SPAG16: variants seen among roughly 807,000 people sequenced by gnomAD.
SPAG16 encodes the protein sperm-associated antigen 16 protein.
Under a neutral mutation model 80.4 loss-of-function variants are expected in SPAG16, and 86 were observed. That is an observed-to-expected ratio of 1.07 (90% CI 0.90 to 1.28). The LOEUF (loss-of-function observed/expected upper bound fraction) is 1.28. SPAG16 is among the 50% of genes most tolerant of loss of function. The probability of loss-of-function intolerance (pLI) is 0.00; values close to 1 mark genes in which losing one functional copy is unlikely to be tolerated. For synonymous variants in SPAG16, 294 were observed against 265.9 expected (o/e 1.11, Z -1.03); for missense variants, 870 against 765.3 (o/e 1.14, Z -1.61).
intron 10 of SPAG16, among the ~76,000 whole-genome samples, chr2:213,642,820 C>CAAAAAAAAAAAAA (rs766759239): frequency 0.054 from 61 of 1,130 alleles, 19 homozygotes; most frequent in African/African-American, 0.1. Flanking sequence ...GACTCTGTCT[C>CAAAAAAAAAAAAA]AAAAAAAAAA....
At chr2:213,921,352 T>C (rs754277689) in intron 11 of SPAG16, among the ~76,000 whole-genome samples, 3 of 152,068 alleles carry the variant, frequency 2.0e-5, no homozygotes, top group Non-Finnish European at 2.9e-5. Flanking sequence ...TTTGTGTTTG[T>C]TGTTGTTGTT....
At chr2:213,701,393 C>A (rs549928356) in intron 10 of SPAG16, among the ~76,000 whole-genome samples, 2 of 152,160 alleles carry the variant, frequency 1.3e-5, no homozygotes, top group South Asian at 4.2e-4. Flanking sequence ...ACGAGAGGTG[C>A]CAACGTGCTA....
At chr2:213,573,361 A>G (rs547996443) in intron 10 of SPAG16, among the ~76,000 whole-genome samples, 1 of 152,230 alleles carries the variant, frequency 6.6e-6, no homozygotes, top group East Asian at 1.9e-4. Flanking sequence ...TCTCTGTGAT[A>G]ATTTTTGACA....
chr2:214,201,679 A>G (rs959282079), intron 15 of SPAG16, among the ~76,000 whole-genome samples: 8 of 152,344 alleles, frequency 5.3e-5, no homozygotes, highest in African/African-American at 1.9e-4. Flanking sequence ...GGGATAGACT[A>G]CATTTTATTG....
chr2:214,253,711 A>G (rs2216545), intron 15 of SPAG16, among the ~76,000 whole-genome samples: 142,846 of 152,100 alleles, frequency 0.94, 67,545 homozygotes, highest in Non-Finnish European at 1. Flanking sequence ...CTGTACACTC[A>G]TAGTATAGTT....
At position 213,988,692 on chromosome 2, in the gene SPAG16, A is replaced by C. The variant is rs74560028; in HGVS notation, c.1401-25259A>C. ...AGATTTTTTTAAATTAAAAAAAAAA[A>C]CATTCAAAATAGCTCCCAAAATATA... On this transcript the variant is annotated intron_variant, in intron 12 of 15. Coordinates refer to ENST00000331683, the MANE Select transcript of SPAG16 (RefSeq NM_024532.5). Among the ~76,000 whole-genome samples, 519 of 151,662 alleles carry C rather than the reference A, an allele frequency of 3.4e-3. 7 individuals carry two copies. In the East Asian group the frequency reaches 0.043, roughly 13 times the overall value.
intron 10 of SPAG16, among the ~76,000 whole-genome samples, chr2:213,695,707 G>A (rs1270592315): frequency 6.6e-6 from 1 of 152,184 alleles, no homozygotes; most frequent in African/African-American, 2.4e-5. Context: ...ACGTAGAGGA[G>A]AAGCATGTGA....
chr2:214,292,716 C>A (rs1466666327), intron 15 of SPAG16, among the ~76,000 whole-genome samples: 1 of 152,144 alleles, frequency 6.6e-6, no homozygotes, highest in Non-Finnish European at 1.5e-5. Context: ...TATTTCCTTG[C>A]TTTTTGATGC....
At chr2:213,477,530 A>T (rs564013167) in intron 9 of SPAG16, among the ~76,000 whole-genome samples, 3 of 152,196 alleles carry the variant, frequency 2.0e-5, no homozygotes, top group African/African-American at 7.2e-5. Context: ...AGACATGGAG[A>T]CAAAGGAGAT....
intron 9 of SPAG16, among the ~76,000 whole-genome samples, chr2:213,385,226 C>T (rs1023195274): frequency 1.3e-5 from 2 of 152,132 alleles, no homozygotes; most frequent in African/African-American, 4.8e-5. Context: ...TTTAGATCCT[C>T]CTTTGTTGTG....
At chr2:214,342,430 AT>A (rs1173572607) in intron 15 of SPAG16, among the ~76,000 whole-genome samples, 1 of 152,166 alleles carries the variant, frequency 6.6e-6, no homozygotes, top group Admixed American at 6.5e-5. Context: ...GGCAGCATAG[AT>A]TCCCACAGGA....
chr2:214,198,259 C>G (rs986976928), intron 15 of SPAG16, among the ~76,000 whole-genome samples: 12 of 151,950 alleles, frequency 7.9e-5, no homozygotes, highest in African/African-American at 2.9e-4. Context: ...ACCCTTCCCC[C>G]ACCCACTGAG....
intron 10 of SPAG16, among the ~76,000 whole-genome samples, chr2:213,768,253 C>A (rs1333146520): frequency 1.3e-5 from 2 of 152,024 alleles, no homozygotes; most frequent in African/African-American, 4.8e-5. Context: ...GATAAGAATG[C>A]AATAAAGGCA....
chr2:213,605,756 T>G (rs190074898), intron 10 of SPAG16, among the ~76,000 whole-genome samples: 1 of 152,266 alleles, frequency 6.6e-6, no homozygotes, highest in African/African-American at 2.4e-5. Context: ...CCCAAAGTGC[T>G]GGGATTACAG....
At chr2:213,573,477 C>G (rs971758235) in intron 10 of SPAG16, among the ~76,000 whole-genome samples, 1 of 152,160 alleles carries the variant, frequency 6.6e-6, no homozygotes, top group Non-Finnish European at 1.5e-5. Flanking sequence ...TGATTGATCT[C>G]TGTTGTTTGC....
intron 15 of SPAG16, among the ~76,000 whole-genome samples, chr2:214,194,087 T>TAA (rs1194723007): frequency 6.6e-6 from 1 of 152,102 alleles, no homozygotes; most frequent in African/African-American, 2.4e-5. Context: ...AAGCAAGACA[T>TAA]TATTTAAGAC....
chr2:214,087,483 T>G (rs2051849647), intron 13 of SPAG16, among the ~76,000 whole-genome samples: 1 of 152,138 alleles, frequency 6.6e-6, no homozygotes, highest in South Asian at 2.1e-4. Context: ...TGCAAGTTCT[T>G]AAAGGTATAT....
chr2:213,712,512 CAA>C (rs908283213), intron 10 of SPAG16, among the ~76,000 whole-genome samples: 7 of 152,118 alleles, frequency 4.6e-5, no homozygotes, highest in Non-Finnish European at 7.3e-5. Context: ...TAAAAGATGA[CAA>C]GAGAAATTAT....
chr2:213,899,960 C>G (rs1000836652), intron 11 of SPAG16, among the ~76,000 whole-genome samples: 3 of 152,124 alleles, frequency 2.0e-5, no homozygotes, highest in African/African-American at 7.2e-5. Flanking sequence ...CAGCTTTGTA[C>G]AACTCTTAGT....
Sources: allele counts gnomAD v4.1 joint callset (sites outside exome capture counted in the v4.1 genomes callset), GRCh38; gene constraint gnomAD v4.1.1; transcripts MANE v1.5; gene names NCBI Gene and HGNC (gene_info 2026-07-23, HGNC 2026-07-21).